The following ARNT2 variants were observed in gnomAD, a reference collection of about 807,000 sequenced individuals.
ARNT2 encodes the protein aryl hydrocarbon receptor nuclear translocator 2, also known as ARNT protein 2.
ARNT2 carries 36 observed loss-of-function variants against 91.7 expected under a neutral mutation model. The observed-to-expected ratio is 0.39, with a 90% CI of 0.30 to 0.52. The LOEUF is 0.52. Ranked by LOEUF, ARNT2 falls within the 20% of genes least tolerant of loss-of-function variation. The pLI is 0.72. For synonymous variants in ARNT2, 365 were observed against 347.1 expected, an observed-to-expected ratio of 1.05 and a Z score of -0.57; for missense variants, 775 against 939.3, an observed-to-expected ratio of 0.83 and a Z score of 2.29.
chr15:80,407,864 A>G (rs990908607), intron 1 of ARNT2, among the ~76,000 whole-genome samples: 5 of 152,210 alleles, frequency 3.3e-5, no homozygotes, highest in African/African-American at 9.6e-5. Flanking sequence ...TGTTTCCCCA[A>G]TGTCATTGTT....
intron 1 of ARNT2, among the ~76,000 whole-genome samples, chr15:80,410,793 TA>T (rs1895670398): frequency 1.3e-5 from 2 of 149,958 alleles, no homozygotes; most frequent in Non-Finnish European, 3.0e-5. Flanking sequence ...TCTATCTATC[TA>T]TCTATCTATC....
At chr15:80,425,857 G>A (rs1207550583) in intron 1 of ARNT2, among the ~76,000 whole-genome samples, 1 of 152,110 alleles carries the variant, frequency 6.6e-6, no homozygotes, top group Non-Finnish European at 1.5e-5. Flanking sequence ...AGACCAGCCT[G>A]GGCAACATAG....
chr15:80,562,780 CAG>C (rs2141467057), intron 11 of ARNT2: 1 of 370,352 alleles, frequency 2.7e-6, no homozygotes, highest in Non-Finnish European at 5.0e-6. Flanking sequence ...CTCTGGCTTG[CAG>C]AGTTTTCATG....
chr15:80,566,594 G>A (rs1249651428), intron 12 of ARNT2, among the ~76,000 whole-genome samples: 2 of 152,178 alleles, frequency 1.3e-5, no homozygotes, highest in Non-Finnish European at 2.9e-5. Flanking sequence ...TGCCAGACGT[G>A]TCTGTGGGAA....
At chr15:80,479,065 TC>T (rs1896848873) in intron 5 of ARNT2, among the ~76,000 whole-genome samples, 1 of 152,132 alleles carries the variant, frequency 6.6e-6, no homozygotes, top group Non-Finnish European at 1.5e-5. Context: ...GGAGTTTCCC[TC>T]CTCTGAGCCT....
At chr15:80,531,196 A>G (rs1401688536) in intron 8 of ARNT2, among the ~76,000 whole-genome samples, 2 of 152,302 alleles carry the variant, frequency 1.3e-5, no homozygotes, top group East Asian at 3.9e-4. Flanking sequence ...GACAGCCTCC[A>G]CCCAGTGTTG....
At chr15:80,536,776 C>G (rs1324773371) in intron 8 of ARNT2, among the ~76,000 whole-genome samples, 2 of 152,136 alleles carry the variant, frequency 1.3e-5, no homozygotes, top group Admixed American at 1.3e-4. Flanking sequence ...AGTGAAGCAT[C>G]CTAGGTTTTA....
At chr15:80,531,499 T>C (rs1430675634) in intron 8 of ARNT2, among the ~76,000 whole-genome samples, 1 of 152,212 alleles carries the variant, frequency 6.6e-6, no homozygotes, top group Non-Finnish European at 1.5e-5. Flanking sequence ...ATATTAAAAA[T>C]CAGTTTGATA....
At chr15:80,572,699 G>A (rs973207137) in intron 12 of ARNT2, among the ~76,000 whole-genome samples, 1 of 152,184 alleles carries the variant, frequency 6.6e-6, no homozygotes, top group East Asian at 1.9e-4. Context: ...GACAGTGGAC[G>A]TAAACAAAGG....
At chr15:80,428,342 A>G (rs1328885943) in intron 1 of ARNT2, among the ~76,000 whole-genome samples, 1 of 152,230 alleles carries the variant, frequency 6.6e-6, no homozygotes, top group East Asian at 1.9e-4. Context: ...AAGCATGGAT[A>G]TATGTGGTGC....
chr15:80,596,974 G>A lies in ARNT2; in HGVS notation c.*3276G>A, dbSNP rs372850501. 1.1e-3 allele frequency: 404 copies of A among 358,542 alleles called. No individual in the cohort carries two copies. The highest frequency in any genetic ancestry group is 8.0e-3 in the African/African-American group (375 of 46,844). 22.2% of individuals were successfully genotyped at this position (358,542 alleles called of 1,614,324 possible). On this transcript the variant is annotated 3_prime_UTR_variant, in exon 19 of 19. Transcript: ENST00000303329. ...CAGGGAGTGACAGCCATCACAAATA[G>A]CCACATTCTGCTCTACTCTCCAACA...
chr15:80,503,183 G>A (rs890554456), intron 5 of ARNT2, among the ~76,000 whole-genome samples: 1 of 152,218 alleles, frequency 6.6e-6, no homozygotes, highest in African/African-American at 2.4e-5. Context: ...GGAGCCGGTA[G>A]TAAGCAAACC....
intron 14 of ARNT2, among the ~76,000 whole-genome samples, chr15:80,576,153 CTGAGA>C (rs1376162477): frequency 2.0e-5 from 3 of 152,160 alleles, no homozygotes; most frequent in Admixed American, 6.5e-5. Context: ...ACCCAGAGAG[CTGAGA>C]TAAGAGTCCA....
At chr15:80,482,589 C>T (rs894915729) in intron 5 of ARNT2, among the ~76,000 whole-genome samples, 6 of 152,196 alleles carry the variant, frequency 3.9e-5, no homozygotes, top group African/African-American at 1.4e-4. Flanking sequence ...ACAAAAAAGC[C>T]TTGGCGTGAC....
chr15:80,551,352 C>T, intron 9 of ARNT2, 77 bp downstream of exon 9: 1 of 1,340,024 alleles, frequency 7.5e-7, no homozygotes, highest in East Asian at 2.3e-5. Context: ...GTCGGTTTGG[C>T]TGCCTATTCT....
At chr15:80,447,312 G>A (rs527961855) in intron 1 of ARNT2, among the ~76,000 whole-genome samples, 1 of 152,168 alleles carries the variant, frequency 6.6e-6, no homozygotes. Flanking sequence ...CTCTCCTCTG[G>A]AAAGGCTCTA....
intron 5 of ARNT2, 26 bp from the exon 6 acceptor site, chr15:80,508,130 C>A (rs749659805): frequency 1.2e-6 from 2 of 1,611,564 alleles, no homozygotes; most frequent in Non-Finnish European, 1.7e-6. Context: ...CAGAGGCTTA[C>A]GTAACTGTCC....
intron 17 of ARNT2, 55 bp downstream of exon 17, chr15:80,581,459 G>C: frequency 6.2e-7 from 1 of 1,604,034 alleles, no homozygotes; most frequent in Non-Finnish European, 8.5e-7. Context: ...AATGCTTTCT[G>C]AACAGCCTGA....
At chr15:80,411,872 A>G (rs563625535) in intron 1 of ARNT2, among the ~76,000 whole-genome samples, 2 of 152,314 alleles carry the variant, frequency 1.3e-5, no homozygotes, top group East Asian at 1.9e-4. Context: ...TGGTAGTGGT[A>G]GGTTCCGTGT....
Sources: gnomAD v4.1 joint callset for allele counts (sites outside exome capture counted in the v4.1 genomes callset) on GRCh38, gnomAD v4.1.1 for gene constraint, MANE v1.5 for transcripts, NCBI Gene and HGNC (gene_info 2026-07-23, HGNC 2026-07-21) for gene names.